Variants in MAD2L1BP observed in about 807,000 individuals in gnomAD.
MAD2L1BP encodes the protein MAD2L1-binding protein.
Under a neutral mutation model 28.4 loss-of-function variants are expected in MAD2L1BP, and 22 were observed. The observed-to-expected ratio is 0.77, with a 90% CI of 0.55 to 1.10. MAD2L1BP has a LOEUF of 1.10. MAD2L1BP is among the 50% of genes least tolerant of loss of function. The probability of loss-of-function intolerance (pLI) is 0.00; values close to 1 mark genes in which losing one functional copy is unlikely to be tolerated. For missense variants in MAD2L1BP, 325 were observed against 350.5 expected, an observed-to-expected ratio of 0.93 and a Z score of 0.58; for synonymous variants, 146 against 133.7, an observed-to-expected ratio of 1.09 and a Z score of -0.63.
chr6:43,631,784 C>A (rs915492100), upstream of MAD2L1BP, among the ~76,000 whole-genome samples: 1 of 152,134 alleles, frequency 6.6e-6, no homozygotes, highest in Non-Finnish European at 1.5e-5. Flanking sequence ...CCACACCTGA[C>A]CTACTATTTT....
At chr6:43,633,187 T>G (rs1770024751), upstream of MAD2L1BP, 1 of 441,440 alleles carries the variant, frequency 2.3e-6, no homozygotes, top group Non-Finnish European at 4.5e-6. Flanking sequence ...TTTTTTTTTT[T>G]TTCCAGGCGG....
At chr6:43,630,326 C>T (rs534236753) in intron 1 of MAD2L1BP, among the ~76,000 whole-genome samples, 1 of 152,306 alleles carries the variant, frequency 6.6e-6, no homozygotes, top group South Asian at 2.1e-4. Context: ...TGCTGAGCTG[C>T]GAGTCAGGAC....
chr6:43,640,508 T>C lies in MAD2L1BP; in HGVS notation c.800T>C (p.Val267Ala), dbSNP rs758360786. The change falls in exon 3 of 3, where the codon GTG becomes GCG. Residue 267 changes from valine (V) to alanine (A), a missense_variant. Val to Ala is a moderately conservative substitution (Grantham distance 64). Transcript: ENST00000372171. ...WEDYIWFQAP[V>A]TFKGFRE ...GACTACATTTGGTTCCAGGCACCAG[T>C]GACATTTAAAGGCTTCCGCGAGTGA... is the stretch of plus-strand genomic sequence containing the variant. 5 of 1,602,384 alleles carry C rather than the reference T, an allele frequency of 3.1e-6. No homozygotes were observed. Among genetic ancestry groups the C allele is most frequent in the Non-Finnish European group, 4.3e-6 (5 of 1,174,470 alleles).
intron 1 of MAD2L1BP, 148 bp downstream of exon 1, chr6:43,636,069 T>G (rs981404098): frequency 1.2e-5 from 10 of 834,398 alleles, no homozygotes; most frequent in Non-Finnish European, 1.9e-5. Flanking sequence ...TGTGACTCCA[T>G]CGCCCTGGGT....
chr6:43,637,598 T>C (rs866462072), intron 2 of MAD2L1BP, among the ~76,000 whole-genome samples: 1 of 150,196 alleles, frequency 6.7e-6, no homozygotes, highest in Non-Finnish European at 1.5e-5. Flanking sequence ...GCTAATTTTT[T>C]GTTTGTTTGT....
chr6:43,639,529 T>C (rs576855196), intron 2 of MAD2L1BP, among the ~76,000 whole-genome samples: 1 of 152,384 alleles, frequency 6.6e-6, no homozygotes, highest in East Asian at 1.9e-4. Flanking sequence ...GAGTTTTCTT[T>C]GTCAGTCTTT....
chr6:43,633,116 G>A (rs970989152), upstream of MAD2L1BP: 7 of 397,692 alleles, frequency 1.8e-5, 1 homozygote, highest in African/African-American at 1.5e-4. Context: ...CCAAAATGCT[G>A]GGATTATAGG....
At chr6:43,635,364 C>A (rs549672512), upstream of MAD2L1BP, among the ~76,000 whole-genome samples, 2 of 152,356 alleles carry the variant, frequency 1.3e-5, no homozygotes, top group South Asian at 4.1e-4. Context: ...CAGCTTCACA[C>A]ATTTCTTCTG....
chr6:43,629,766 T>TGGGGTGA lies in MAD2L1BP; in HGVS notation c.19_20+5dup. ...TCTTCCCCTATGGCCCGCGTGCCGC[T>TGGGGTGA]GGGGTGAGTCAGGGCGAACGCCAGG... is the stretch of plus-strand genomic sequence containing the variant. On this transcript the variant is annotated stop_gained and frameshift_variant, in exon 1 of 4. Coordinates refer to the MAD2L1BP transcript ENST00000451025. LOFTEE classifies it high-confidence loss of function. 1.3e-6 allele frequency: 2 copies of TGGGGTGA among 1,561,456 alleles called. No homozygotes were observed. The highest frequency in any genetic ancestry group is 1.7e-6 in the Non-Finnish European group (2 of 1,152,392).
At chr6:43,636,881 G>T in intron 2 of MAD2L1BP, 1 of 542,234 alleles carries the variant, frequency 1.8e-6, no homozygotes, top group Non-Finnish European at 3.3e-6. Context: ...CTGGCTCTTT[G>T]CATTTTTTTC....
Position 43,640,254 on chromosome 6 carries a change from C to A in MAD2L1BP, c.546C>A (p.Ser182Arg). Residue 182 changes from serine to arginine, a missense_variant, in exon 3 of 3, where the codon AGC (serine) becomes AGA (arginine). By Grantham distance (110) the Ser-to-Arg change is moderately radical (BLOSUM62 -1). Coordinates refer to ENST00000372171, the MANE Select transcript of MAD2L1BP (RefSeq NM_014628.3). ...CCTACAGCGTGGACCAGAGCCTGAG[C>A]ACAGCAGCTTGTTTGCGCCGTCTCT... is the stretch of plus-strand genomic sequence containing the variant. Reference protein sequence around the residue: ...LAPYSVDQSLSTAACLRRLFR... With the variant: ...LAPYSVDQSLRTAACLRRLFR... The A allele has an allele frequency of 1.2e-6, 2 of 1,613,870 alleles. No homozygotes were observed. The highest frequency in any genetic ancestry group is 1.7e-6 in the Non-Finnish European group (2 of 1,179,934).
At chr6:43,632,065 A>G (rs1202239342), upstream of MAD2L1BP, among the ~76,000 whole-genome samples, 1 of 151,624 alleles carries the variant, frequency 6.6e-6, no homozygotes, top group African/African-American at 2.4e-5. Flanking sequence ...ACACCCGGCT[A>G]ATTTTGTGTT....
chr6:43,636,385 G>T lies in MAD2L1BP; in HGVS notation c.51G>T (p.Leu17Phe). 1 of 1,613,986 alleles carries T rather than the reference G, an allele frequency of 6.2e-7. No individual in the cohort carries two copies. The highest frequency in any genetic ancestry group is 8.5e-7 in the Non-Finnish European group (1 of 1,179,958). The change falls in exon 2 of 3, where the codon TTG (leucine) becomes TTT (phenylalanine). Residue 17 changes from leucine (L) to phenylalanine (F), a missense_variant. Physicochemically the swap from Leu to Phe is conservative, Grantham distance 22. Transcript: ENST00000372171. Reference sequence around the variant, plus strand: ...GTCCCTCTTTTCATCTACCAGATTTGGAGTGGTATGAGAAGTCCGAAGAAA... The same window carrying T: ...GTCCCTCTTTTCATCTACCAGATTTTGAGTGGTATGAGAAGTCCGAAGAAA... ...EVLSSAAVPD[L>F]EWYEKSEETH...
intron 1 of MAD2L1BP, chr6:43,629,890 C>T (rs1582358909): frequency 3.1e-5 from 39 of 1,248,816 alleles, no homozygotes; most frequent in Non-Finnish European, 4.2e-5. Flanking sequence ...AGGCTGGCAC[C>T]GTCCAGGGGC....
chr6:43,639,825 T>C (rs75730343), intron 2 of MAD2L1BP, among the ~76,000 whole-genome samples, 196 bp from the exon 3 acceptor site: 2,623 of 152,348 alleles, frequency 0.017, 33 homozygotes, highest in Non-Finnish European at 0.028. Context: ...GGGAGAATTA[T>C]GGTTTTGTAC....
rs767979835 is a variant in MAD2L1BP at position 43,640,270 on chromosome 6, C to T, written c.562C>T (p.Arg188Cys). 22 of 1,613,536 alleles carry T rather than the reference C, an allele frequency of 1.4e-5. No individual in the cohort carries two copies. The highest frequency in any genetic ancestry group is 1.8e-5 in the Non-Finnish European group (21 of 1,179,820). ...DQSLSTAACL[R>C]RLFRAIFMAD... Reference sequence around the variant, plus strand: ...GAGCCTGAGCACAGCAGCTTGTTTGCGCCGTCTCTTCCGAGCCATATTCAT... The same window carrying T: ...GAGCCTGAGCACAGCAGCTTGTTTGTGCCGTCTCTTCCGAGCCATATTCAT... The change falls in exon 3 of 3, where the codon CGC becomes TGC. Residue 188 changes from arginine to cysteine, a missense_variant. By Grantham distance (180) the Arg-to-Cys change is radical (BLOSUM62 -3). Coordinates refer to ENST00000372171, the MANE Select transcript of MAD2L1BP (RefSeq NM_014628.3).
At chr6:43,629,794 G>A in intron 1 of MAD2L1BP, 1 of 1,561,766 alleles carries the variant, frequency 6.4e-7, no homozygotes, top group Non-Finnish European at 8.7e-7. Flanking sequence ...ACGCCAGGGC[G>A]GAGGCGGATG....
At chr6:43,632,257 A>AC (rs1270188749), upstream of MAD2L1BP, among the ~76,000 whole-genome samples, 9 of 108,732 alleles carry the variant, frequency 8.3e-5, no homozygotes, top group African/African-American at 3.6e-4. Context: ...TGATTGATTG[A>AC]CTTTTTTTTT....
chr6:43,636,477 C>A lies in MAD2L1BP; in HGVS notation c.143C>A (p.Ala48Asp), dbSNP rs753610021. 3.1e-6 allele frequency: 5 copies of A among 1,614,164 alleles called. 1 individual carries two copies. In the South Asian group the frequency reaches 5.5e-5, roughly 18 times the overall value. The change falls in exon 2 of 3, where the codon GCC becomes GAC. Residue 48 changes from alanine (A) to aspartate (D), a missense_variant. By Grantham distance (126) the Ala-to-Asp change is moderately radical. Transcript: ENST00000372171. ...CAGGAACCTCTCAACGCTTCGGAGG[C>A]CTTTTGCCCAAGAGACTGCATGGTA... ...STQEPLNASEAFCPRDCMVPV... is the reference protein window; with the variant it reads ...STQEPLNASEDFCPRDCMVPV...
Sources: gnomAD v4.1 joint callset for allele counts (sites outside exome capture counted in the v4.1 genomes callset) on GRCh38, gnomAD v4.1.1 for gene constraint, MANE v1.5 for transcripts, NCBI Gene and HGNC (gene_info 2026-07-23, HGNC 2026-07-21) for gene names.